The following ELN variants were observed in gnomAD, a reference collection of about 807,000 sequenced individuals.
The protein encoded by ELN is elastin.
ELN carries 65 observed loss-of-function variants against 105.8 expected under a neutral mutation model. The ratio of observed to expected loss-of-function variants is 0.61; its 90% CI spans 0.50 to 0.75. The LOEUF is 0.75. ELN is among the 30% of genes least tolerant of loss of function. The pLI is 0.00. For missense variants in ELN, 882 were observed against 969.4 expected (o/e 0.91, Z 1.20); for synonymous variants, 368 against 389.2 (o/e 0.95, Z 0.64).
Position 74,053,320 on chromosome 7 carries a change from CTGTGTGTGTGTGTGTGTGTGTGTG to C in ELN, c.1096+27_1096+50del. 1.3e-6 allele frequency: 2 copies of C among 1,561,622 alleles called. No homozygotes were observed. Among genetic ancestry groups the C allele is most frequent in the East Asian group, 2.3e-5 (1 of 42,586 alleles). On this transcript the variant is annotated intron_variant, in intron 18 of 32. Transcript: ENST00000252034. ...GTGCTGCGGTTCCAGGTGAGCTGGGCTGTGTGTGTGTGTGTGTGTGTGTGTGTGTGTGTGTGTGTATTAGAGAGA... is the reference window on the plus strand; with the variant it reads ...GTGCTGCGGTTCCAGGTGAGCTGGGCTGTGTGTGTGTGTGTATTAGAGAGA...
chr7:74,065,470 C>G (rs1554688388), intron 29 of ELN, among the ~76,000 whole-genome samples: 2 of 151,468 alleles, frequency 1.3e-5, no homozygotes, highest in African/African-American at 4.9e-5. Flanking sequence ...AAAAATTAGC[C>G]AGGCGTGGTG....
At chr7:74,037,652 G>T in intron 3 of ELN, 55 bp from the exon 4 acceptor site, 2 of 1,594,636 alleles carry the variant, frequency 1.3e-6, no homozygotes, top group South Asian at 2.3e-5. Context: ...GGTTGGATAA[G>T]TAGTAGATGG....
chr7:74,037,774 C>A, intron 4 of ELN, 35 bp downstream of exon 4: 1 of 1,606,182 alleles, frequency 6.2e-7, no homozygotes. Flanking sequence ...TGAGAGACAG[C>A]GAGGGAGCTG....
Position 74,060,084 on chromosome 7 carries a change from G to A in ELN, c.1576+37G>A, listed in dbSNP as rs373452625. 6.2e-4 allele frequency: 1,002 copies of A among 1,614,112 alleles called. 17 individuals carry two copies. In the South Asian group the frequency reaches 0.01, roughly 16 times the overall value. On this transcript the variant is annotated intron_variant, in intron 23 of 32. Coordinates refer to ENST00000252034, the MANE Select transcript of ELN (RefSeq NM_000501.4). ...GAGTCAATGAGCCTGAGGGGCCCCC[G>A]AAGCCTCCATGGGCCCCGCCTCCAT...
intron 32 of ELN, 30 bp downstream of exon 32, chr7:74,066,806 G>T: frequency 6.2e-7 from 1 of 1,611,308 alleles, no homozygotes; most frequent in Non-Finnish European, 8.5e-7. Flanking sequence ...CCTGGGCCCT[G>T]CCCTGGAGCT....
Position 74,069,388 on chromosome 7 carries a change from G to A in ELN, c.*688G>A, listed in dbSNP as rs564564089. ...CGTCCATCCATGTCCCCAGTTGACC[G>A]CCCGGCACCACTAGCTGGCTGGGTG... On this transcript the variant is annotated 3_prime_UTR_variant, in exon 33 of 33. Coordinates refer to ENST00000252034, the MANE Select transcript of ELN (RefSeq NM_000501.4). The A allele has an allele frequency of 5.9e-4, 138 of 234,976 alleles. 1 individual carries two copies. The East Asian group carries it at 7.4e-3, about 13-fold the overall frequency. The allele number at this position is 234,976 out of a possible 1,614,324, so 14.6% of individuals were successfully genotyped here. A position where few individuals can be genotyped will look rare whatever the true frequency, so the allele number is the denominator to read the frequency against.
In ELN at chr7:74,064,442, A is replaced by ATATG. The variant is rs782675875; in HGVS notation, c.1993+763_1993+766dup. Among the ~76,000 whole-genome samples, 103 of 145,930 alleles carry ATATG rather than the reference A, an allele frequency of 7.1e-4. No homozygotes were observed. The East Asian group carries it at 0.01, about 14-fold the overall frequency. ...AAAAAAAATATATATATATATATAT[A>ATATG]TATGTATGTATGTATGTATATAAAT... On this transcript the variant is annotated intron_variant, in intron 29 of 32. Transcript: ENST00000252034.
At chr7:74,030,447 C>G (rs1276181291) in intron 1 of ELN, among the ~76,000 whole-genome samples, 2 of 145,758 alleles carry the variant, frequency 1.4e-5, no homozygotes, top group African/African-American at 5.1e-5. Flanking sequence ...TCCCCATCCC[C>G]CAGAAATAGT....
At chr7:74,052,880 A>G in intron 17 of ELN, 2 of 496,316 alleles carry the variant, frequency 4.0e-6, no homozygotes, top group Non-Finnish European at 7.3e-6. Flanking sequence ...AAAGAGAGAG[A>G]GAGAGAGAGA....
At chr7:74,031,860 AGAAGGAAGGAAGGAAGGAAG>A (rs60029188) in intron 1 of ELN, among the ~76,000 whole-genome samples, 9 of 107,126 alleles carry the variant, frequency 8.4e-5, no homozygotes, top group Admixed American at 3.0e-4. Flanking sequence ...AAGGAAGGAA[AGAAGGAAGGAAGGAAGGAAG>A]GAAGGAAGGA....
intron 17 of ELN, chr7:74,052,412 A>G (rs1366710641): frequency 6.6e-5 from 15 of 228,540 alleles, no homozygotes; most frequent in African/African-American, 3.4e-4. Flanking sequence ...CTGAGACCCC[A>G]TCTTTCCAAA....
chr7:74,065,796 C>G, intron 30 of ELN, 64 bp downstream of exon 30: 5 of 1,612,200 alleles, frequency 3.1e-6, no homozygotes, highest in Non-Finnish European at 4.2e-6. Context: ...CATCGCCACC[C>G]TCCCCCAGCC....
intron 22 of ELN, chr7:74,059,499 T>C (rs1301965728): frequency 3.1e-6 from 1 of 320,832 alleles, no homozygotes; most frequent in African/African-American, 2.1e-5. Flanking sequence ...CTGGCCAACA[T>C]GGTGAAACCC....
chr7:74,030,784 T>C (rs868005), intron 1 of ELN, among the ~76,000 whole-genome samples: 45,038 of 151,966 alleles, frequency 0.3, 7,943 homozygotes, highest in Middle Eastern at 0.41. Context: ...CACCCAAGAA[T>C]CCCTGCTTGC....
chr7:74,045,155 G>T, intron 9 of ELN, 67 bp from the exon 10 acceptor site: 2 of 1,588,990 alleles, frequency 1.3e-6, no homozygotes, highest in Non-Finnish European at 8.6e-7. Context: ...GACCCGAGGA[G>T]GGGAGGGGTT....
chr7:74,045,094 C>T (rs555798767), intron 9 of ELN, 128 bp from the exon 10 acceptor site: 3 of 1,020,450 alleles, frequency 2.9e-6, no homozygotes, highest in Admixed American at 3.5e-5. Context: ...CCACCCACCC[C>T]GTGAGCCGTG....
At chr7:74,028,898 G>A (rs1788044776) in intron 1 of ELN, among the ~76,000 whole-genome samples, 1 of 152,052 alleles carries the variant, frequency 6.6e-6, no homozygotes, top group Non-Finnish European at 1.5e-5. Flanking sequence ...ACACAGGAAT[G>A]AGCGTGCTGT....
In ELN at chr7:74,051,738, C is replaced by G. The variant is rs370561295; in HGVS notation, c.800-12C>G. The G allele has an allele frequency of 6.2e-6, 10 of 1,614,078 alleles. No homozygotes were observed. The highest frequency in any genetic ancestry group is 8.5e-6 in the Non-Finnish European group (10 of 1,180,028). ...CTTGGGAAACTACATTGCACTGTCC[C>G]CATCTCAACAGGTGCTGGAGCAGCC... On this transcript the variant is annotated splice_polypyrimidine_tract_variant and intron_variant, in intron 15 of 32. Coordinates refer to ENST00000252034, the MANE Select transcript of ELN (RefSeq NM_000501.4).
At chr7:74,042,082 G>A (rs1044628051) in intron 5 of ELN, among the ~76,000 whole-genome samples, 22 of 151,776 alleles carry the variant, frequency 1.4e-4, no homozygotes, top group Non-Finnish European at 2.9e-5. Context: ...AAAGAGCCAT[G>A]CAGTTTTGTC....
Sources: gnomAD v4.1 joint callset for allele counts (sites outside exome capture counted in the v4.1 genomes callset) on GRCh38, gnomAD v4.1.1 for gene constraint, MANE v1.5 for transcripts, NCBI Gene and HGNC (gene_info 2026-07-23, HGNC 2026-07-21) for gene names.